The following UBAC2 variants were observed in gnomAD, a reference collection of about 807,000 sequenced individuals.
UBAC2 encodes UBA domain containing 2.
In UBAC2, 26 loss-of-function variants were observed where a neutral mutation model predicts 44.0. The observed-to-expected ratio is 0.59, with a 90% confidence interval of 0.43 to 0.82. The LOEUF (loss-of-function observed/expected upper bound fraction) is 0.82, where lower values mean the gene tolerates loss of function less well. UBAC2 is among the 40% of genes least tolerant of loss of function. The pLI, the probability that UBAC2 is intolerant of heterozygous loss-of-function variation, is 0.00. For synonymous variants in UBAC2, 155 were observed against 154.3 expected (o/e 1.00, Z -0.04); for missense variants, 329 against 419.4 (o/e 0.78, Z 1.88).
At chr13:99,266,255 G>A (rs2043742620) in intron 4 of UBAC2, among the ~76,000 whole-genome samples, 1 of 151,690 alleles carries the variant, frequency 6.6e-6, no homozygotes, top group Non-Finnish European at 1.5e-5. Flanking sequence ...AGATATGAAT[G>A]TATTCCTCTA....
intron 7 of UBAC2, among the ~76,000 whole-genome samples, chr13:99,344,794 A>G (rs1241046416): frequency 6.6e-6 from 1 of 152,198 alleles, no homozygotes; most frequent in African/African-American, 2.4e-5. Context: ...CTGGGGGCAC[A>G]GTTAGACAGT....
intron 8 of UBAC2, among the ~76,000 whole-genome samples, chr13:99,383,006 A>T (rs574248888): frequency 1.3e-5 from 2 of 152,346 alleles, no homozygotes; most frequent in South Asian, 4.1e-4. Context: ...CGGTTACTTC[A>T]AAGGGCAAAA....
At chr13:99,220,031 G>GA (rs141090390) in intron 1 of UBAC2, among the ~76,000 whole-genome samples, 6 of 150,998 alleles carry the variant, frequency 4.0e-5, no homozygotes, top group African/African-American at 7.3e-5. Flanking sequence ...GGTTTTTGTG[G>GA]AAAAAAAAAT....
At chr13:99,314,283 T>C in intron 5 of UBAC2, 63 bp downstream of exon 5, 3 of 1,300,938 alleles carry the variant, frequency 2.3e-6, no homozygotes, top group Non-Finnish European at 3.1e-6. Flanking sequence ...TTTTTTTTGG[T>C]CTTTTTCTCA....
At chr13:99,317,897 C>T in intron 5 of UBAC2, 125 bp from the exon 6 acceptor site, 1 of 642,700 alleles carries the variant, frequency 1.6e-6, no homozygotes, top group Non-Finnish European at 2.5e-6. Flanking sequence ...ATTTGCTTCT[C>T]TGTATTATGG....
chr13:99,215,313 A>G lies in UBAC2; in HGVS notation c.31+14374A>G, dbSNP rs1466781251. 7 of 794,746 alleles carry G rather than the reference A, an allele frequency of 8.8e-6. No homozygotes were observed. The East Asian group carries it at 9.7e-5, about 11-fold the overall frequency. 49.2% of individuals were successfully genotyped at this position (794,746 alleles called of 1,614,324 possible). A position where few individuals can be genotyped will look rare whatever the true frequency, so the allele number is the denominator to read the frequency against. On this transcript the variant is annotated intron_variant, in intron 1 of 8. Coordinates refer to ENST00000403766, the MANE Select transcript of UBAC2 (RefSeq NM_001144072.2). The stretch of plus-strand genomic sequence containing the variant: ...GAAATATAGTCCACTGGCATCACCA[A>G]CACTGGACAGCTGTTCTTTTATTTA...
chr13:99,232,569 G>A (rs1176239120), intron 1 of UBAC2, among the ~76,000 whole-genome samples: 2 of 151,882 alleles, frequency 1.3e-5, no homozygotes, highest in Non-Finnish European at 2.9e-5. Flanking sequence ...CTAGGATAAA[G>A]CAAGCAGCTA....
intron 6 of UBAC2, among the ~76,000 whole-genome samples, chr13:99,322,091 C>T (rs1437885612): frequency 2.6e-5 from 4 of 152,146 alleles, no homozygotes. Flanking sequence ...AATTGGAAAG[C>T]TTGGCTATTA....
chr13:99,257,971 G>A (rs1441438545), intron 4 of UBAC2, among the ~76,000 whole-genome samples: 1 of 152,018 alleles, frequency 6.6e-6, no homozygotes, highest in Admixed American at 6.5e-5. Flanking sequence ...TAATAGAGAC[G>A]GGGTCTCACT....
At chr13:99,380,237 G>T (rs1443683867) in intron 8 of UBAC2, among the ~76,000 whole-genome samples, 1 of 152,166 alleles carries the variant, frequency 6.6e-6, no homozygotes, top group Non-Finnish European at 1.5e-5. Flanking sequence ...TGCTTAACGT[G>T]TGTTTTGCTT....
At chr13:99,334,245 G>A (rs188772550) in intron 6 of UBAC2, among the ~76,000 whole-genome samples, 41 of 152,194 alleles carry the variant, frequency 2.7e-4, no homozygotes, top group Middle Eastern at 3.4e-3. Context: ...ACAGGCGTGA[G>A]CACAGAAAAA....
intron 6 of UBAC2, among the ~76,000 whole-genome samples, chr13:99,323,158 C>A (rs1310475073): frequency 6.6e-6 from 1 of 151,942 alleles, no homozygotes; most frequent in African/African-American, 2.4e-5. Context: ...ACCTTTTTTC[C>A]CTTAGATTGC....
At chr13:99,253,599 C>A (rs951772875) in intron 4 of UBAC2, among the ~76,000 whole-genome samples, 1 of 152,076 alleles carries the variant, frequency 6.6e-6, no homozygotes, top group Non-Finnish European at 1.5e-5. Flanking sequence ...CTGCAGCCTC[C>A]GCCTCCTGGG....
intron 1 of UBAC2, among the ~76,000 whole-genome samples, chr13:99,201,906 T>A (rs2142626874): frequency 6.6e-6 from 1 of 152,092 alleles, no homozygotes; most frequent in Admixed American, 6.5e-5. Flanking sequence ...CCCGTCTCTC[T>A]ACTAAAAACA....
chr13:99,346,412 C>G (rs1290749713), intron 7 of UBAC2, among the ~76,000 whole-genome samples: 1 of 152,234 alleles, frequency 6.6e-6, no homozygotes, highest in Non-Finnish European at 1.5e-5. Context: ...CTCTCCATAG[C>G]TTTCAGGGTG....
Position 99,295,457 on chromosome 13 carries a change from T to C in UBAC2, c.390-18640T>C. On this transcript the variant is annotated intron_variant, in intron 4 of 8. Transcript: ENST00000403766. This position sits in a 1 kb window ranked among gnomAD's most constrained non-coding sequence, Gnocchi z 4.1. ...TACACCAGATTTCTCAGTGAGTGGG[T>C]TTTGTTTGGCAGTTCTGAAGAGTTT... The C allele has an allele frequency of 6.2e-7, 1 of 1,613,958 alleles. No individual in the cohort carries two copies. Among genetic ancestry groups the C allele is most frequent in the East Asian group, 2.2e-5 (1 of 44,888 alleles).
chr13:99,313,693 C>T (rs1440617586), intron 4 of UBAC2, among the ~76,000 whole-genome samples: 1 of 152,096 alleles, frequency 6.6e-6, no homozygotes, highest in Non-Finnish European at 1.5e-5. Flanking sequence ...GTGCCAGTGC[C>T]ATGGCGACAG....
At chr13:99,342,932 T>C (rs2044914296) in intron 7 of UBAC2, among the ~76,000 whole-genome samples, 1 of 152,236 alleles carries the variant, frequency 6.6e-6, no homozygotes, top group Non-Finnish European at 1.5e-5. Flanking sequence ...CAGCCGTTTC[T>C]TTCAGCTGCC....
intron 7 of UBAC2, among the ~76,000 whole-genome samples, chr13:99,340,770 A>T (rs1257815008): frequency 6.6e-6 from 1 of 152,214 alleles, no homozygotes; most frequent in African/African-American, 2.4e-5. Context: ...CAGCTGAAAG[A>T]TTGGTCAAAC....
Sources: allele counts gnomAD v4.1 joint callset (sites outside exome capture counted in the v4.1 genomes callset), GRCh38; gene constraint gnomAD v4.1.1; non-coding constraint Gnocchi (gnomAD v3.1); transcripts MANE v1.5; gene names NCBI Gene and HGNC (gene_info 2026-07-23, HGNC 2026-07-21).